OPA1: variants seen among roughly 807,000 people sequenced by gnomAD.
OPA1 encodes the protein OPA1 mitochondrial dynamin like GTPase, also known as dynamin-like GTPase OPA1, mitochondrial.
In OPA1, 59 loss-of-function variants were observed where a neutral mutation model predicts 152.9. The ratio of observed to expected loss-of-function variants is 0.39; its 90% CI spans 0.31 to 0.48. The LOEUF (loss-of-function observed/expected upper bound fraction) is 0.48, where lower values mean the gene tolerates loss of function less well. OPA1 is among the 20% of genes least tolerant of loss of function. The probability of loss-of-function intolerance (pLI) is 0.96; values close to 1 mark genes in which losing one functional copy is unlikely to be tolerated. For synonymous variants in OPA1, 400 were observed against 389.9 expected (o/e 1.03, Z -0.31); for missense variants, 1,008 against 1,216.8 (o/e 0.83, Z 2.55).
chr3:193,601,378 G>A (rs1726432829), intron 1 of OPA1, among the ~76,000 whole-genome samples: 1 of 152,154 alleles, frequency 6.6e-6, no homozygotes, highest in African/African-American at 2.4e-5. Flanking sequence ...GCAGGAGCAG[G>A]CCAGGCCAGA....
intron 6 of OPA1, among the ~76,000 whole-genome samples, chr3:193,620,192 C>G (rs1459954051): frequency 6.6e-6 from 1 of 152,116 alleles, no homozygotes; most frequent in Admixed American, 6.6e-5. Context: ...GGAGAAGGAG[C>G]CTTTGTTACA....
chr3:193,639,055 G>A (rs941040191), intron 11 of OPA1, among the ~76,000 whole-genome samples: 4 of 152,208 alleles, frequency 2.6e-5, no homozygotes, highest in African/African-American at 4.8e-5. Flanking sequence ...CAAAGTTACT[G>A]AGGTGAAGGA....
At chr3:193,650,805 T>C (rs1035791726) in intron 21 of OPA1, among the ~76,000 whole-genome samples, 4 of 152,188 alleles carry the variant, frequency 2.6e-5, no homozygotes, top group South Asian at 2.1e-4. Flanking sequence ...GAAGGAGATA[T>C]TGATATATCA....
chr3:193,645,190 C>T (rs1734355817), intron 16 of OPA1, among the ~76,000 whole-genome samples: 1 of 152,040 alleles, frequency 6.6e-6, no homozygotes, highest in South Asian at 2.1e-4. Context: ...GTGCTTCATG[C>T]CTGGCACTGT....
intron 5 of OPA1, 48 bp downstream of exon 5, chr3:193,617,885 T>G: frequency 7.4e-7 from 1 of 1,350,666 alleles, no homozygotes. Context: ...TTTTAAATGC[T>G]TCTAATAAAC....
At chr3:193,631,752 C>G in intron 8 of OPA1, 87 bp downstream of exon 8, 1 of 1,156,004 alleles carries the variant, frequency 8.7e-7, no homozygotes, top group Non-Finnish European at 1.3e-6. Context: ...ATTTTTTCAA[C>G]AGAGCAAAAT....
At chr3:193,615,813 A>C in intron 3 of OPA1, 43 bp downstream of exon 3, 1 of 1,097,496 alleles carries the variant, frequency 9.1e-7, no homozygotes, top group Non-Finnish European at 1.4e-6. Flanking sequence ...GGTCATCTCG[A>C]GGAAAGAGAA....
At chr3:193,617,429 C>CA in intron 4 of OPA1, 144 bp downstream of exon 4, 2 of 651,644 alleles carry the variant, frequency 3.1e-6, no homozygotes, top group Non-Finnish European at 5.4e-6. Context: ...AAGATAAACA[C>CA]AAAGTTTTGT....
At chr3:193,653,105 C>CA (rs1264688190) in intron 21 of OPA1, among the ~76,000 whole-genome samples, 1 of 152,158 alleles carries the variant, frequency 6.6e-6, no homozygotes, top group East Asian at 1.9e-4. Context: ...GAGGCCCTGA[C>CA]AGGCTGCTTT....
intron 7 of OPA1, among the ~76,000 whole-genome samples, chr3:193,630,632 A>G (rs1283600540): frequency 2.0e-5 from 3 of 152,186 alleles, no homozygotes; most frequent in Non-Finnish European, 4.4e-5. Flanking sequence ...GAAGAAGAAT[A>G]TGGATTTAAC....
rs1274859575 is a variant in OPA1, at chr3:193,603,906, C to T, written c.32+10497C>T. ...CTCACACCGTTGTGGTCTTCACCAT[C>T]ATCAGGCAGAGATAACAGAGTAGCA... On this transcript the variant is annotated intron_variant, in intron 1 of 30. Transcript: ENST00000361510. Among the ~76,000 whole-genome samples, 19 of 152,124 alleles carry T rather than the reference C, an allele frequency of 1.2e-4. No homozygotes were observed. The East Asian group carries it at 2.1e-3, about 17-fold the overall frequency.
At chr3:193,681,353 T>G (rs1420721419) in intron 29 of OPA1, among the ~76,000 whole-genome samples, 1 of 152,224 alleles carries the variant, frequency 6.6e-6, no homozygotes, top group Non-Finnish European at 1.5e-5. Flanking sequence ...TTAGTTTGTT[T>G]ATTAATTCCC....
At position 193,614,797 on chromosome 3, in the gene OPA1, TTTCACGAAGCATTTATCA is replaced by T. The variant is rs863224140; in HGVS notation, c.113_130del (p.Arg38_Ser43del). 2.2e-3 allele frequency: 3,577 copies of T among 1,613,980 alleles called. 10 individuals carry two copies. The highest frequency in any genetic ancestry group is 2.7e-3 in the Non-Finnish European group (3,151 of 1,179,820). Reference sequence around the variant, plus strand: ...TTACCACTACAAAAACTACATCTGGTTTCACGAAGCATTTATCATTCACATCATCCTACCTTAAAGCTT... The same window carrying T: ...TTACCACTACAAAAACTACATCTGGTTTCACATCATCCTACCTTAAAGCTT... On this transcript the variant is annotated inframe_deletion, in exon 2 of 31. Transcript: ENST00000361510.
chr3:193,667,694 T>G (rs1425345749), intron 29 of OPA1, among the ~76,000 whole-genome samples: 2 of 145,694 alleles, frequency 1.4e-5, no homozygotes, highest in Non-Finnish European at 3.0e-5. Flanking sequence ...AAAAAAAAGT[T>G]ACAAGGAATT....
At chr3:193,597,913 C>T (rs1725865655) in intron 1 of OPA1, among the ~76,000 whole-genome samples, 1 of 151,832 alleles carries the variant, frequency 6.6e-6, no homozygotes, top group Admixed American at 6.6e-5. Context: ...CTTGTCTCTA[C>T]TAAAATTCAA....
rs1333913338 is a variant in OPA1 at position 193,695,550 on chromosome 3, C to G, written c.*950C>G. 6.6e-6 allele frequency: 1 copy of G among 152,118 alleles called. No homozygotes were observed. The highest frequency in any genetic ancestry group is 2.4e-5 in the African/African-American group (1 of 41,434). The allele number at this position is 152,118 out of a possible 1,614,324, so 9.4% of individuals were successfully genotyped here. A position where few individuals can be genotyped will look rare whatever the true frequency, so the allele number is the denominator to read the frequency against. On this transcript the variant is annotated 3_prime_UTR_variant, in exon 31 of 31. Transcript: ENST00000361510. Reference sequence around the variant, plus strand: ...TTAAAGTAATGTTGACCATCCCCCTCTCAGCTGAATAAAGAAAAATTTAGT... The same window carrying G: ...TTAAAGTAATGTTGACCATCCCCCTGTCAGCTGAATAAAGAAAAATTTAGT...
chr3:193,630,888 A>G (rs1348494951), intron 7 of OPA1, among the ~76,000 whole-genome samples: 1 of 152,168 alleles, frequency 6.6e-6, no homozygotes. Context: ...TATTAGCATT[A>G]ATAACAATTT....
chr3:193,693,258 G>A (rs974303361), intron 30 of OPA1, among the ~76,000 whole-genome samples: 3 of 152,214 alleles, frequency 2.0e-5, no homozygotes, highest in Admixed American at 6.5e-5. Flanking sequence ...TACATCATTC[G>A]GAACAGTGTG....
chr3:193,645,954 TC>T (rs1734527586), intron 18 of OPA1, among the ~76,000 whole-genome samples, 154 bp downstream of exon 18: 1 of 152,238 alleles, frequency 6.6e-6, no homozygotes, highest in African/African-American at 2.4e-5. Flanking sequence ...AATAAACAAG[TC>T]CTTAGCTACT....
Sources: allele counts gnomAD v4.1 joint callset (sites outside exome capture counted in the v4.1 genomes callset), GRCh38; gene constraint gnomAD v4.1.1; transcripts MANE v1.5; gene names NCBI Gene and HGNC (gene_info 2026-07-23, HGNC 2026-07-21).